The following FLI1 variants were observed in gnomAD, a reference collection of about 807,000 sequenced individuals.
FLI1 encodes Friend leukemia integration 1 transcription factor.
Under a neutral mutation model 53.1 loss-of-function variants are expected in FLI1, and 13 were observed. The observed-to-expected ratio is 0.24, with a 90% CI of 0.16 to 0.39. The LOEUF (loss-of-function observed/expected upper bound fraction) is 0.39. FLI1 is among the 10% of genes least tolerant of loss of function. The pLI, the probability that FLI1 is intolerant of heterozygous loss-of-function variation, is 1.00. For synonymous variants in FLI1, 244 were observed against 236.7 expected, an observed-to-expected ratio of 1.03 and a Z score of -0.28; for missense variants, 424 against 600.5, an observed-to-expected ratio of 0.71 and a Z score of 3.07.
chr11:128,724,380 A>G lies in FLI1; in HGVS notation c.18+30104A>G, dbSNP rs758318174. Among the ~76,000 whole-genome samples the G allele has an allele frequency of 2.6e-4, 40 of 152,304 alleles. No individual in the cohort carries two copies. In the Middle Eastern group the frequency reaches 0.01, roughly 39 times the overall value. On this transcript the variant is annotated intron_variant, in intron 1 of 8. Transcript: ENST00000527786. The stretch of plus-strand genomic sequence containing the variant: ...CACGGATATGGGGCAGCAGGTGAGG[A>G]GGCAGGACACAGGTGAGGCCTGACC...
intron 1 of FLI1, among the ~76,000 whole-genome samples, chr11:128,739,809 G>T (rs955415210): frequency 2.6e-5 from 4 of 152,180 alleles, no homozygotes; most frequent in Admixed American, 2.0e-4. Context: ...AGACTGTTTG[G>T]TTCATGTCTG....
At chr11:128,727,008 G>A (rs972418968) in intron 1 of FLI1, among the ~76,000 whole-genome samples, 1 of 151,978 alleles carries the variant, frequency 6.6e-6, no homozygotes, top group African/African-American at 2.4e-5. Context: ...ATTGCATGGT[G>A]GCCCTGGGAG....
At chr11:128,766,409 CAT>C (rs143276628) in intron 2 of FLI1, among the ~76,000 whole-genome samples, 13 of 152,294 alleles carry the variant, frequency 8.5e-5, no homozygotes, top group Non-Finnish European at 1.8e-4. Context: ...TAAATTCTAA[CAT>C]GTGTGAGTTA....
chr11:128,768,141 T>G lies in FLI1; in HGVS notation c.254T>G (p.Val85Gly). 6.2e-6 allele frequency: 10 copies of G among 1,613,570 alleles called. No individual in the cohort carries two copies. Among genetic ancestry groups the G allele is most frequent in the Non-Finnish European group, 8.5e-6 (10 of 1,179,696 alleles). ...GSRESPVDCSVSKCSKLVGGG... is the reference protein window; with the variant it reads ...GSRESPVDCSGSKCSKLVGGG... ...AGGGAGTCTCCGGTGGACTGCAGCGTTAGCAAATGCAGCAAGCTGGTGGGC... is the reference window on the plus strand; with the variant it reads ...AGGGAGTCTCCGGTGGACTGCAGCGGTAGCAAATGCAGCAAGCTGGTGGGC... The change falls in exon 3 of 9, where the codon GTT becomes GGT. Residue 85 changes from valine (V) to glycine (G), a missense_variant. By Grantham distance (109) the Val-to-Gly change is moderately radical (BLOSUM62 -3). Transcript: ENST00000527786.
chr11:128,795,007 T>A (rs1942388277), intron 5 of FLI1, among the ~76,000 whole-genome samples: 8 of 151,992 alleles, frequency 5.3e-5, no homozygotes, highest in Admixed American at 5.2e-4. Flanking sequence ...GCCTGGGAGG[T>A]CAAAGCTGCA....
intron 1 of FLI1, among the ~76,000 whole-genome samples, chr11:128,703,587 G>A (rs1412080718): frequency 1.3e-5 from 2 of 152,132 alleles, no homozygotes; most frequent in African/African-American, 4.8e-5. Flanking sequence ...GCTCACTCCT[G>A]TAATCCTAGC....
At chr11:128,731,371 A>C (rs1939690936) in intron 1 of FLI1, among the ~76,000 whole-genome samples, 1 of 152,196 alleles carries the variant, frequency 6.6e-6, no homozygotes, top group Admixed American at 6.5e-5. Context: ...TAGATGGTGC[A>C]AAACACACCA....
chr11:128,769,426 A>G (rs1256075194), intron 3 of FLI1, among the ~76,000 whole-genome samples: 16 of 152,210 alleles, frequency 1.1e-4, no homozygotes, highest in Non-Finnish European at 2.4e-4. Flanking sequence ...AAGGTTAGAC[A>G]TCTCTTTGAG....
At chr11:128,715,817 C>A (rs941745160) in intron 1 of FLI1, among the ~76,000 whole-genome samples, 4 of 152,176 alleles carry the variant, frequency 2.6e-5, no homozygotes, top group African/African-American at 9.7e-5. Context: ...TGGGGCCTCT[C>A]CTGGTTGCAT....
chr11:128,786,041 T>TA (rs1942067653), intron 5 of FLI1, among the ~76,000 whole-genome samples: 2 of 152,124 alleles, frequency 1.3e-5, no homozygotes, highest in African/African-American at 2.4e-5. Flanking sequence ...AAAATTAAAA[T>TA]AAAAAAATAC....
intron 1 of FLI1, among the ~76,000 whole-genome samples, chr11:128,705,921 A>G (rs535108345): frequency 1.3e-5 from 2 of 152,152 alleles, no homozygotes; most frequent in East Asian, 3.9e-4. Flanking sequence ...TCCCCACAGC[A>G]TTCTGTGTAA....
At chr11:128,748,130 A>T (rs1266595840) in intron 1 of FLI1, 9 of 280,680 alleles carry the variant, frequency 3.2e-5, no homozygotes, top group Non-Finnish European at 4.3e-5. Flanking sequence ...TCCTGGGAGG[A>T]TGCAGAGATC....
In FLI1 at chr11:128,792,996, T is replaced by C. The variant is rs981240863; in HGVS notation, c.655+10973T>C. On this transcript the variant is annotated intron_variant, in intron 5 of 8. Transcript: ENST00000527786. ...AGCCAGGTGTAGTGGTGTGTTCCTATAGTCCCAGCTACTCCAGAGGCTCAG... is the reference window on the plus strand; with the variant it reads ...AGCCAGGTGTAGTGGTGTGTTCCTACAGTCCCAGCTACTCCAGAGGCTCAG... Among the ~76,000 whole-genome samples, 3 of 151,866 alleles carry C rather than the reference T, an allele frequency of 2.0e-5. No individual in the cohort carries two copies. The South Asian group carries it at 6.2e-4, about 32-fold the overall frequency.
intron 1 of FLI1, among the ~76,000 whole-genome samples, chr11:128,735,969 A>T (rs1939896095): frequency 6.6e-6 from 1 of 152,228 alleles, no homozygotes; most frequent in African/African-American, 2.4e-5. Flanking sequence ...GTTGATCCCG[A>T]AGTTCTTAAA....
intron 1 of FLI1, among the ~76,000 whole-genome samples, chr11:128,734,611 C>T (rs1425807992): frequency 6.6e-6 from 1 of 152,142 alleles, no homozygotes; most frequent in Admixed American, 6.5e-5. Context: ...AATGCCCTGG[C>T]TGGCGGTCAC....
chr11:128,793,637 C>A (rs1177688674), intron 5 of FLI1, among the ~76,000 whole-genome samples: 7 of 152,220 alleles, frequency 4.6e-5, no homozygotes, highest in African/African-American at 1.7e-4. Context: ...CCCACTTTGC[C>A]CTTTCTGCCT....
rs772912959 is a variant in FLI1, at chr11:128,694,233, G to C, written c.-26G>C. ...AACCGGGTCAATGTGTGGAATATTG[G>C]GGGGCTCGGCTGCAGACTTGGCCAA... On this transcript the variant is annotated 5_prime_UTR_variant, in exon 1 of 9. Coordinates refer to ENST00000527786, the MANE Select transcript of FLI1 (RefSeq NM_002017.5). 6 of 1,508,798 alleles carry C rather than the reference G, an allele frequency of 4.0e-6. No individual in the cohort carries two copies. In the African/African-American group the frequency reaches 5.8e-5, roughly 15 times the overall value. 93.5% of individuals were successfully genotyped at this position (1,508,798 alleles called of 1,614,324 possible). A position where few individuals can be genotyped will look rare whatever the true frequency, so the allele number is the denominator to read the frequency against.
At chr11:128,701,329 GAA>G (rs67690991) in intron 1 of FLI1, among the ~76,000 whole-genome samples, 3 of 150,412 alleles carry the variant, frequency 2.0e-5, no homozygotes, top group East Asian at 1.9e-4. Context: ...GGAGAAAAAA[GAA>G]AAAAAAAAGT....
intron 1 of FLI1, among the ~76,000 whole-genome samples, chr11:128,737,942 C>A (rs1939976036): frequency 6.6e-6 from 1 of 152,160 alleles, no homozygotes; most frequent in Admixed American, 6.5e-5. Flanking sequence ...AAATGGTCAT[C>A]AGCAGTTCCC....
Sources: allele counts gnomAD v4.1 joint callset (sites outside exome capture counted in the v4.1 genomes callset), GRCh38; gene constraint gnomAD v4.1.1; transcripts MANE v1.5; gene names NCBI Gene and HGNC (gene_info 2026-07-23, HGNC 2026-07-21).